The following B3GAT1 variants were observed in gnomAD, a reference collection of about 807,000 sequenced individuals.
The protein encoded by B3GAT1 is beta-1,3-glucuronyltransferase 1, also known as galactosylgalactosylxylosylprotein 3-beta-glucuronosyltransferase 1.
A neutral mutation model predicts 28.4 loss-of-function variants in B3GAT1; 11 were observed. The observed-to-expected ratio is 0.39, with a 90% CI of 0.24 to 0.64. B3GAT1 has a LOEUF of 0.64. Ranked by LOEUF, B3GAT1 falls within the 30% of genes least tolerant of loss-of-function variation. B3GAT1 has a pLI of 0.50. For missense variants in B3GAT1, 375 were observed against 491.0 expected, an observed-to-expected ratio of 0.76 and a Z score of 2.23; for synonymous variants, 255 against 223.1, an observed-to-expected ratio of 1.14 and a Z score of -1.27.
chr11:134,380,860 G>A (rs1944106753), intron 5 of B3GAT1, 113 bp from the exon 6 acceptor site: 1 of 152,514 alleles, frequency 6.6e-6, no homozygotes, highest in African/African-American at 2.4e-5. Flanking sequence ...CAGGTCCTGT[G>A]GGGGCCTTTC....
At chr11:134,402,425 G>A (rs966710050) in intron 1 of B3GAT1, among the ~76,000 whole-genome samples, 2 of 152,070 alleles carry the variant, frequency 1.3e-5, no homozygotes, top group Non-Finnish European at 2.9e-5. Context: ...GGGCCAGCGA[G>A]CCCTGGGCAC....
chr11:134,394,653 T>C (rs1406710742), intron 1 of B3GAT1, among the ~76,000 whole-genome samples: 1 of 152,240 alleles, frequency 6.6e-6, no homozygotes, highest in Non-Finnish European at 1.5e-5. Context: ...CCCTGGGATG[T>C]CTGCACTCTG....
At position 134,380,245 on chromosome 11, in the gene B3GAT1, A is replaced by C. The variant is rs970445827; in HGVS notation, c.*517T>G. On this transcript the variant is annotated 3_prime_UTR_variant, in exon 6 of 6. Coordinates refer to ENST00000312527, the MANE Select transcript of B3GAT1 (RefSeq NM_054025.3). ...CTCGGGAAGAGCAGGGGCCCAGGAG[A>C]GGAGCAGAGCGCTCGTGATGCCCGT... 2 of 152,350 alleles carry C rather than the reference A, an allele frequency of 1.3e-5. No individual in the cohort carries two copies. Among genetic ancestry groups the C allele is most frequent in the Admixed American group, 1.3e-4 (2 of 15,282 alleles). 9.4% of individuals were successfully genotyped at this position (152,350 alleles called of 1,614,324 possible).
chr11:134,383,739 G>C lies in B3GAT1; in HGVS notation c.562C>G (p.Pro188Ala), dbSNP rs1221734100. ...TCGTCGGCGAAGTAGACCACGCCAG[G>C]CTGGCTGGAGTTGCGCGGGAAGGTC... is the stretch of plus-strand genomic sequence containing the variant. ...RETFPRNSSQPGVVYFADDDN... is the reference protein window; with the variant it reads ...RETFPRNSSQAGVVYFADDDN... The change falls in exon 3 of 6, where the codon CCT (proline) becomes GCT (alanine). Residue 188 changes from proline (P) to alanine (A), a missense_variant. Physicochemically the swap from Pro to Ala is conservative, Grantham distance 27. Coordinates refer to ENST00000312527, the MANE Select transcript of B3GAT1 (RefSeq NM_054025.3). The C allele has an allele frequency of 6.3e-7, 1 of 1,594,818 alleles. No homozygotes were observed. The highest frequency in any genetic ancestry group is 8.6e-7 in the Non-Finnish European group (1 of 1,168,340).
At chr11:134,402,003 A>G (rs997730562) in intron 1 of B3GAT1, among the ~76,000 whole-genome samples, 259 of 118,256 alleles carry the variant, frequency 2.2e-3, no homozygotes, top group South Asian at 4.2e-3. Context: ...CACTGTCGGG[A>G]GGCGGGGCCC....
chr11:134,398,318 G>C (rs192740260), intron 1 of B3GAT1, among the ~76,000 whole-genome samples: 2 of 152,328 alleles, frequency 1.3e-5, no homozygotes, highest in Admixed American at 1.3e-4. Context: ...AAATAAGAGA[G>C]TAGCTCACGT....
At chr11:134,404,739 G>A (rs1409996157) in intron 1 of B3GAT1, among the ~76,000 whole-genome samples, 1 of 152,240 alleles carries the variant, frequency 6.6e-6, no homozygotes, top group Non-Finnish European at 1.5e-5. Flanking sequence ...TCAGGCCTGG[G>A]GAGCCGCAGA....
intron 1 of B3GAT1, among the ~76,000 whole-genome samples, chr11:134,397,735 C>T (rs1944531992): frequency 6.6e-6 from 1 of 152,260 alleles, no homozygotes; most frequent in South Asian, 2.1e-4. Context: ...TGCAAACCAG[C>T]ACCTGTCTCG....
rs140323808 is a variant in B3GAT1 at position 134,387,593 on chromosome 11, C to T, written c.67G>A (p.Val23Ile). 3.1e-6 allele frequency: 5 copies of T among 1,614,144 alleles called. No homozygotes were observed. The highest frequency in any genetic ancestry group is 4.2e-6 in the Non-Finnish European group (5 of 1,180,042). Residue 23 changes from valine (V) to isoleucine (I), a missense_variant, in exon 2 of 6, where the codon GTC (valine) becomes ATC (isoleucine). By Grantham distance (29) the Val-to-Ile change is conservative (BLOSUM62 3). Transcript: ENST00000312527. ...GGTGCGAGGGTGCTCTGGTGCCAGA[C>T]AGTGATGAGCAGAGTCCAGGGCAGC... is the stretch of plus-strand genomic sequence containing the variant. ...IVLPWTLLIT[V>I]WHQSTLAPLL...
intron 2 of B3GAT1, chr11:134,387,242 A>T (rs1944310000): frequency 3.0e-6 from 1 of 331,822 alleles, no homozygotes; most frequent in Non-Finnish European, 5.6e-6. Context: ...CCCACCTCCG[A>T]CCTCAGCACT....
At position 134,387,800 on chromosome 11, in the gene B3GAT1, A is replaced by C. The variant is rs1482167105; in HGVS notation, c.-141T>G. 6.5e-7 allele frequency: 1 copy of C among 1,537,744 alleles called. No homozygotes were observed. Among genetic ancestry groups the C allele is most frequent in the Non-Finnish European group, 8.7e-7 (1 of 1,146,384 alleles). On this transcript the variant is annotated 5_prime_UTR_variant, in exon 2 of 6. Transcript: ENST00000312527. ...CGGCCAGGCATGGAGAGGACAGAGC[A>C]GCTGAATGTTGGCTAGCAGGTCTTA...
chr11:134,403,988 T>C (rs893924345), intron 1 of B3GAT1, among the ~76,000 whole-genome samples: 14 of 30,566 alleles, frequency 4.6e-4, no homozygotes, highest in Non-Finnish European at 8.8e-4. Context: ...TTTCTTTATA[T>C]ATATATATAT....
At chr11:134,406,406 G>A (rs1275138089) in intron 1 of B3GAT1, among the ~76,000 whole-genome samples, 1 of 152,154 alleles carries the variant, frequency 6.6e-6, no homozygotes, top group East Asian at 1.9e-4. Flanking sequence ...TCTGCACAAA[G>A]CAAGGTTGCT....
intron 1 of B3GAT1, among the ~76,000 whole-genome samples, chr11:134,396,363 AC>A (rs1944505307): frequency 6.6e-6 from 1 of 152,060 alleles, no homozygotes; most frequent in Admixed American, 6.5e-5. Context: ...TGACGGCAGA[AC>A]CCAGCCACAG....
At chr11:134,385,143 A>C (rs1209023327) in intron 2 of B3GAT1, 1 of 152,220 alleles carries the variant, frequency 6.6e-6, no homozygotes, top group Non-Finnish European at 1.5e-5. Flanking sequence ...TTATCGAGTT[A>C]TTATGTGGAT....
At chr11:134,394,608 C>T (rs892850424) in intron 1 of B3GAT1, among the ~76,000 whole-genome samples, 2 of 152,240 alleles carry the variant, frequency 1.3e-5, no homozygotes, top group African/African-American at 2.4e-5. Flanking sequence ...ACCCTGCCCT[C>T]GCCTTGCTCA....
At chr11:134,395,853 G>A (rs996124095) in intron 1 of B3GAT1, among the ~76,000 whole-genome samples, 1 of 152,188 alleles carries the variant, frequency 6.6e-6, no homozygotes, top group Non-Finnish European at 1.5e-5. Context: ...TAAGGGTCAG[G>A]AGTCCAGGGT....
Position 134,382,930 on chromosome 11 carries a change from T to A in B3GAT1, c.698A>T (p.Asn233Ile), listed in dbSNP as rs1281917663. The change falls in exon 4 of 6, where the codon AAC becomes ATC. Residue 233 changes from asparagine (N) to isoleucine (I), a missense_variant. Asn to Ile is a moderately radical substitution (Grantham distance 149, BLOSUM62 -3). Coordinates refer to ENST00000312527, the MANE Select transcript of B3GAT1 (RefSeq NM_054025.3). The stretch of plus-strand genomic sequence containing the variant: ...CCAGCCGACCACCTTCCCTGCCCCG[T>A]TCACCCGTGGGGCCTCGTACCGCAG... ...GGLRYEAPRV[N>I]GAGKVVGWKT... The A allele has an allele frequency of 3.1e-6, 5 of 1,611,130 alleles. No homozygotes were observed. The Admixed American group carries it at 8.4e-5, about 27-fold the overall frequency.
At position 134,383,839 on chromosome 11, in the gene B3GAT1, C is replaced by A; in HGVS notation, c.462G>T (p.Leu154=). Residue 154 remains leucine (L), a synonymous_variant, in exon 3 of 6, where the codon CTG becomes CTT. Coordinates refer to ENST00000312527, the MANE Select transcript of B3GAT1 (RefSeq NM_054025.3). ...TGCGTGGGTCGCGGGCGTCTCCGCG[C>A]AGCTTGTAGTTGCGGGGCGTCTCCA... ...LHVETPRNYK[L]RGDARDPRIP... 1 of 1,595,664 alleles carries A rather than the reference C, an allele frequency of 6.3e-7. No individual in the cohort carries two copies. The highest frequency in any genetic ancestry group is 8.5e-7 in the Non-Finnish European group (1 of 1,173,520).
Sources: allele counts gnomAD v4.1 joint callset (sites outside exome capture counted in the v4.1 genomes callset), GRCh38; gene constraint gnomAD v4.1.1; transcripts MANE v1.5; gene names NCBI Gene and HGNC (gene_info 2026-07-23, HGNC 2026-07-21).